The following ALK variants were observed in gnomAD, a reference collection of about 807,000 sequenced individuals.
ALK encodes ALK receptor tyrosine kinase.
In ALK, 74 loss-of-function variants were observed where a neutral mutation model predicts 163.1. The ratio of observed to expected loss-of-function variants is 0.45; its 90% confidence interval spans 0.38 to 0.55. The LOEUF (loss-of-function observed/expected upper bound fraction) is 0.55, where lower values mean the gene tolerates loss of function less well. Ranked by LOEUF, ALK falls within the 20% of genes least tolerant of loss-of-function variation. The probability of loss-of-function intolerance (pLI) is 0.00; values close to 1 mark genes in which losing one functional copy is unlikely to be tolerated. For synonymous variants in ALK, 960 were observed against 843.2 expected (o/e 1.14, Z -2.40); for missense variants, 2,063 against 2,105.3 (o/e 0.98, Z 0.39).
At chr2:29,450,354 G>A (rs1019235195) in intron 4 of ALK, among the ~76,000 whole-genome samples, 1 of 151,846 alleles carries the variant, frequency 6.6e-6, no homozygotes, top group Non-Finnish European at 1.5e-5. Context: ...GAACATTTGC[G>A]GTCCCAATTG....
At chr2:29,293,897 T>C (rs1445811308) in intron 9 of ALK, among the ~76,000 whole-genome samples, 1 of 151,932 alleles carries the variant, frequency 6.6e-6, no homozygotes, top group Non-Finnish European at 1.5e-5. Context: ...CTCTAAGCCC[T>C]AATAAAGTTA....
At chr2:29,556,207 G>A (rs1301389383) in intron 3 of ALK, among the ~76,000 whole-genome samples, 1 of 152,174 alleles carries the variant, frequency 6.6e-6, no homozygotes, top group Non-Finnish European at 1.5e-5. Context: ...CCTATGCCAA[G>A]TCCTGGCTCT....
At chr2:29,788,846 A>G (rs1244301103) in intron 1 of ALK, among the ~76,000 whole-genome samples, 1 of 152,210 alleles carries the variant, frequency 6.6e-6, no homozygotes, top group Non-Finnish European at 1.5e-5. Context: ...TTATTCAGAC[A>G]GAGCTTTATG....
chr2:29,611,056 A>C (rs1228356200), intron 3 of ALK, among the ~76,000 whole-genome samples: 1 of 152,158 alleles, frequency 6.6e-6, no homozygotes, highest in African/African-American at 2.4e-5. Flanking sequence ...GGTCACTAAC[A>C]CCAAAAGAGT....
At chr2:29,328,670 G>A (rs1325297730) in intron 5 of ALK, among the ~76,000 whole-genome samples, 189 bp from the exon 6 acceptor site, 1 of 152,226 alleles carries the variant, frequency 6.6e-6, no homozygotes, top group Admixed American at 6.5e-5. Flanking sequence ...AGCAGGGAGA[G>A]GGGTCAAAAC....
At chr2:29,649,615 G>C (rs1197381396) in intron 3 of ALK, among the ~76,000 whole-genome samples, 2 of 152,012 alleles carry the variant, frequency 1.3e-5, no homozygotes, top group African/African-American at 4.8e-5. Context: ...TTCCTTAGTA[G>C]GGGGGCATTC....
At chr2:29,378,038 A>T (rs1191244277) in intron 5 of ALK, among the ~76,000 whole-genome samples, 1 of 152,202 alleles carries the variant, frequency 6.6e-6, no homozygotes, top group East Asian at 1.9e-4. Context: ...TTCCTGAAAG[A>T]GAAGAGGAGA....
chr2:29,257,589 G>A (rs183742127), intron 11 of ALK, among the ~76,000 whole-genome samples: 18 of 152,298 alleles, frequency 1.2e-4, no homozygotes, highest in Admixed American at 7.2e-4. Flanking sequence ...GTTCTCGATC[G>A]TCACTATTAA....
At chr2:29,347,534 A>T (rs1391690383) in intron 5 of ALK, among the ~76,000 whole-genome samples, 1 of 152,186 alleles carries the variant, frequency 6.6e-6, no homozygotes, top group Non-Finnish European at 1.5e-5. Context: ...TAGAGGACAT[A>T]GGGGAGATTT....
intron 23 of ALK, among the ~76,000 whole-genome samples, chr2:29,217,205 G>A (rs1193253022): frequency 6.6e-6 from 1 of 151,014 alleles, no homozygotes; most frequent in Non-Finnish European, 1.5e-5. Flanking sequence ...TGTTTTGTGT[G>A]TGTTGCATGT....
At chr2:29,611,964 A>C (rs927211600) in intron 3 of ALK, among the ~76,000 whole-genome samples, 10 of 152,218 alleles carry the variant, frequency 6.6e-5, no homozygotes, top group African/African-American at 2.2e-4. Context: ...AATACAATAA[A>C]TAAACAAAGA....
chr2:29,664,666 T>A (rs2148264808), intron 3 of ALK, among the ~76,000 whole-genome samples: 1 of 152,282 alleles, frequency 6.6e-6, no homozygotes, highest in Middle Eastern at 3.4e-3. Context: ...TCTAAACCTA[T>A]CTTTCCATCC....
At chr2:29,585,300 A>G (rs967098795) in intron 3 of ALK, among the ~76,000 whole-genome samples, 2 of 152,174 alleles carry the variant, frequency 1.3e-5, no homozygotes, top group African/African-American at 4.8e-5. Context: ...TTATGCAGTT[A>G]ATATTTCAAT....
At chr2:29,905,982 A>G (rs929325484) in intron 1 of ALK, among the ~76,000 whole-genome samples, 2 of 152,054 alleles carry the variant, frequency 1.3e-5, no homozygotes, top group East Asian at 1.9e-4. Flanking sequence ...TTCCTTCTCT[A>G]TTGTACCCCT....
rs35599126 is a variant in ALK, at chr2:29,756,529, AT to A, written c.668-38833del. 3.8e-3 allele frequency among the ~76,000 whole-genome samples: 531 copies of A among 138,726 alleles called. 2 individuals carry two copies. The highest frequency in any genetic ancestry group is 9.2e-3 in the African/African-American group (338 of 36,936). 91.0% of individuals were successfully genotyped at this position (138,726 alleles called of 152,430 possible). ...AGTACAGTAGATCATTTACTCATTGATTTTTTTTTTTTTTTTTGAGACAGAG... is the reference window on the plus strand; with the variant it reads ...AGTACAGTAGATCATTTACTCATTGATTTTTTTTTTTTTTTTGAGACAGAG... On this transcript the variant is annotated intron_variant, in intron 1 of 28. Coordinates refer to ENST00000389048, the MANE Select transcript of ALK (RefSeq NM_004304.5).
intron 3 of ALK, among the ~76,000 whole-genome samples, chr2:29,598,812 TCTATAATGGGCATGAATTGCTTTTATGA>T (rs968606246): frequency 1.3e-5 from 2 of 152,196 alleles, no homozygotes; most frequent in African/African-American, 4.8e-5. Context: ...TGATGAATAT[TCTATAATGGGCATGAATTGCTTTTATGA>T]CTGAGAGAAA....
At chr2:29,416,979 C>CTTTTTT (rs751862066) in intron 4 of ALK, among the ~76,000 whole-genome samples, 1 of 77,664 alleles carries the variant, frequency 1.3e-5, no homozygotes, top group Non-Finnish European at 2.4e-5. Context: ...ATGTTTGATG[C>CTTTTTT]TTTTTTTTTT....
intron 1 of ALK, among the ~76,000 whole-genome samples, chr2:29,824,682 T>C (rs553821047): frequency 8.6e-5 from 13 of 150,958 alleles, no homozygotes; most frequent in Admixed American, 5.9e-4. Context: ...TTTGGAATGG[T>C]TGTATTTACC....
intron 1 of ALK, among the ~76,000 whole-genome samples, chr2:29,851,407 G>A (rs1367077653): frequency 2.6e-5 from 4 of 152,274 alleles, no homozygotes; most frequent in African/African-American, 9.6e-5. Flanking sequence ...TGTCTCTTGC[G>A]CCAAGACCTT....
Sources: gnomAD v4.1 joint callset for allele counts (sites outside exome capture counted in the v4.1 genomes callset) on GRCh38, gnomAD v4.1.1 for gene constraint, MANE v1.5 for transcripts, NCBI Gene and HGNC (gene_info 2026-07-23, HGNC 2026-07-21) for gene names.